FOXP4: variants seen among roughly 807,000 people sequenced by gnomAD.
FOXP4 encodes the protein forkhead box protein P4.
FOXP4 carries 25 observed loss-of-function variants against 82.6 expected under a neutral mutation model. The observed-to-expected ratio is 0.30, with a 90% CI of 0.22 to 0.42. FOXP4 has a LOEUF of 0.42. Ranked by LOEUF, FOXP4 falls within the 10% of genes least tolerant of loss-of-function variation. The pLI is 1.00. For synonymous variants in FOXP4, 415 were observed against 388.2 expected (o/e 1.07, Z -0.81); for missense variants, 785 against 900.9 (o/e 0.87, Z 1.65).
intron 3 of FOXP4, among the ~76,000 whole-genome samples, chr6:41,584,036 G>A (rs1482038254): frequency 6.6e-6 from 1 of 152,218 alleles, no homozygotes; most frequent in Non-Finnish European, 1.5e-5. Context: ...AGCCAGCTCA[G>A]TGCAGAGTTA....
chr6:41,585,257 C>T (rs1766038964), intron 4 of FOXP4, among the ~76,000 whole-genome samples, 174 bp from the exon 5 acceptor site: 1 of 152,170 alleles, frequency 6.6e-6, no homozygotes, highest in Non-Finnish European at 1.5e-5. Context: ...CCATCCCTTG[C>T]TCCCTCCCTC....
In FOXP4 at chr6:41,597,661, C is replaced by T. The variant is rs111663550; in HGVS notation, c.1726-120C>T. On this transcript the variant is annotated intron_variant, in intron 15 of 16. Transcript: ENST00000307972. ...TGGGGGTTGCCCAGACAGATCCGCC[C>T]GTGGGGCCAGTAGGCAGACACACAG... 52 of 1,290,266 alleles carry T rather than the reference C, an allele frequency of 4.0e-5. No individual in the cohort carries two copies. In the African/African-American group the frequency reaches 5.3e-4, roughly 13 times the overall value. 79.9% of individuals were successfully genotyped at this position (1,290,266 alleles called of 1,614,324 possible). A position where few individuals can be genotyped will look rare whatever the true frequency, so the allele number is the denominator to read the frequency against.
Position 41,560,569 on chromosome 6 carries a change from C to T in FOXP4, c.-16-5176C>T, listed in dbSNP as rs1336488414. 3.3e-5 allele frequency among the ~76,000 whole-genome samples: 5 copies of T among 152,320 alleles called. No individual in the cohort carries two copies. In the South Asian group the frequency reaches 1.0e-3, roughly 32 times the overall value. On this transcript the variant is annotated intron_variant, in intron 1 of 16. Coordinates refer to ENST00000307972, the MANE Select transcript of FOXP4 (RefSeq NM_001012426.2). ...TCCCGGCAGGACGCGCGCCCAGGAG[C>T]GCGCTGGGGGCTGCCCCGCCCCTCT... is the stretch of plus-strand genomic sequence containing the variant.
At chr6:41,551,030 C>A (rs1021671047) in intron 1 of FOXP4, among the ~76,000 whole-genome samples, 2 of 152,206 alleles carry the variant, frequency 1.3e-5, no homozygotes, top group Non-Finnish European at 2.9e-5. Context: ...TTCAGCGTTG[C>A]CTCCCAGGAT....
At chr6:41,597,658 G>T in intron 15 of FOXP4, 123 bp from the exon 16 acceptor site, 1 of 1,266,740 alleles carries the variant, frequency 7.9e-7, no homozygotes, top group South Asian at 1.5e-5. Context: ...AGACAGATCC[G>T]CCCGTGGGGC....
rs2127404944 is a variant in FOXP4, at chr6:41,594,852, T to C, written c.1537-18T>C. The C allele has an allele frequency of 5.0e-6, 8 of 1,613,688 alleles. No homozygotes were observed. Among genetic ancestry groups the C allele is most frequent in the East Asian group, 4.5e-5 (2 of 44,872 alleles). On this transcript the variant is annotated intron_variant, in intron 13 of 16. Transcript: ENST00000307972. ...GCCAAGCAAGCCGCCTCTGAGCTCC[T>C]CTTCACTGCACCCACAGAACGCCGT...
At chr6:41,551,638 G>A (rs535006024) in intron 1 of FOXP4, among the ~76,000 whole-genome samples, 90 of 152,290 alleles carry the variant, frequency 5.9e-4, no homozygotes, top group African/African-American at 2.1e-3. Context: ...ATGGAAAATG[G>A]GGCGACATAG....
chr6:41,547,784 C>CG (rs1554168727), intron 1 of FOXP4, among the ~76,000 whole-genome samples: 1 of 149,726 alleles, frequency 6.7e-6, no homozygotes, highest in African/African-American at 2.5e-5. Flanking sequence ...AGGACCCCCC[C>CG]CCGCCCCAAC....
At chr6:41,554,609 C>G (rs1273335103) in intron 1 of FOXP4, among the ~76,000 whole-genome samples, 4 of 152,294 alleles carry the variant, frequency 2.6e-5, no homozygotes, top group African/African-American at 9.6e-5. Context: ...CCTGTAGTCC[C>G]AGCACTTTGG....
intron 5 of FOXP4, among the ~76,000 whole-genome samples, chr6:41,586,663 G>A (rs1000145342): frequency 3.3e-5 from 5 of 152,194 alleles, no homozygotes; most frequent in South Asian, 2.1e-4. Context: ...CAGGCTCATC[G>A]ATCATTGTGA....
At chr6:41,575,369 G>A (rs1038198191) in intron 2 of FOXP4, among the ~76,000 whole-genome samples, 16 of 152,136 alleles carry the variant, frequency 1.1e-4, no homozygotes, top group Non-Finnish European at 1.6e-4. Flanking sequence ...CCCCTAGCCT[G>A]GTCCCTGGCA....
In FOXP4 at chr6:41,588,728, C is replaced by T. The variant is rs751730569; in HGVS notation, c.1062C>T (p.Ile354=). 6.2e-7 allele frequency: 1 copy of T among 1,613,428 alleles called. No individual in the cohort carries two copies. Among genetic ancestry groups the T allele is most frequent in the East Asian group, 2.2e-5 (1 of 44,866 alleles). The change falls in exon 9 of 17, where the codon ATC becomes ATT. Residue 354 remains isoleucine, a synonymous_variant. Coordinates refer to ENST00000307972, the MANE Select transcript of FOXP4 (RefSeq NM_001012426.2). ...TGCAGGTGGTGCAGCAGCTGGAGAT[C>T]CAGGTGTGGCCCGGAAGATGCTGGG... is the stretch of plus-strand genomic sequence containing the variant. ...VQMQVVQQLE[I]QLAKESERLQ...
intron 14 of FOXP4, 87 bp from the exon 15 acceptor site, chr6:41,597,089 A>G: frequency 7.1e-7 from 1 of 1,409,846 alleles, no homozygotes. Flanking sequence ...CATTCCCAGC[A>G]CAGGCCGTTA....
intron 2 of FOXP4, among the ~76,000 whole-genome samples, chr6:41,568,561 G>C (rs1381279403): frequency 1.3e-5 from 2 of 152,296 alleles, no homozygotes; most frequent in Middle Eastern, 3.4e-3. Context: ...AACCTGAAAG[G>C]GTTCTGTGAT....
chr6:41,549,227 G>C (rs1483489932), intron 1 of FOXP4, among the ~76,000 whole-genome samples: 1 of 152,078 alleles, frequency 6.6e-6, no homozygotes, highest in African/African-American at 2.4e-5. Flanking sequence ...GGAGTTTTCT[G>C]TCCTTCTCCC....
intron 5 of FOXP4, 75 bp from the exon 6 acceptor site, chr6:41,586,934 G>C: frequency 6.7e-7 from 1 of 1,481,730 alleles, no homozygotes; most frequent in Non-Finnish European, 8.9e-7. Context: ...GGGGGTGGCC[G>C]CGGGGTGGGG....
In FOXP4 at chr6:41,593,678, C is replaced by T. The variant is rs1391172971; in HGVS notation, c.1537-1192C>T. Among the ~76,000 whole-genome samples, 2 of 152,142 alleles carry T rather than the reference C, an allele frequency of 1.3e-5. No homozygotes were observed. Among genetic ancestry groups the T allele is most frequent in the African/African-American group, 4.8e-5 (2 of 41,416 alleles). ...GCGTGATTAGGCCCTTTGTAATTATCGCTCCAAGAGATTCCACTCCAGCCG... is the reference window on the plus strand; with the variant it reads ...GCGTGATTAGGCCCTTTGTAATTATTGCTCCAAGAGATTCCACTCCAGCCG... On this transcript the variant is annotated intron_variant, in intron 13 of 16. Transcript: ENST00000307972. The surrounding 1 kb of genome is among the most constrained non-coding windows in gnomAD (Gnocchi z 4.1).
At chr6:41,556,526 A>G (rs370249793) in intron 1 of FOXP4, among the ~76,000 whole-genome samples, 30 of 152,162 alleles carry the variant, frequency 2.0e-4, no homozygotes, top group Non-Finnish European at 2.8e-4. Context: ...GGGTTTCACC[A>G]TGTTAGCCAG....
intron 3 of FOXP4, 42 bp downstream of exon 3, chr6:41,578,123 G>T: frequency 1.3e-6 from 2 of 1,556,136 alleles, no homozygotes; most frequent in East Asian, 2.3e-5. Flanking sequence ...TTGGGCTGGA[G>T]TGTGGGCCTG....
Sources: gnomAD v4.1 joint callset for allele counts (sites outside exome capture counted in the v4.1 genomes callset) on GRCh38, gnomAD v4.1.1 for gene constraint, Gnocchi (gnomAD v3.1) non-coding constraint, MANE v1.5 for transcripts, NCBI Gene and HGNC (gene_info 2026-07-23, HGNC 2026-07-21) for gene names.